The following RBFOX1 variants were observed in gnomAD, a reference collection of about 807,000 sequenced individuals.
RBFOX1 encodes the protein RNA binding protein fox-1 homolog 1.
Under a neutral mutation model 57.7 loss-of-function variants are expected in RBFOX1, and 8 were observed. That is an observed-to-expected ratio of 0.14 (90% CI 0.08 to 0.25). The LOEUF (loss-of-function observed/expected upper bound fraction) is 0.25, where lower values mean the gene tolerates loss of function less well. RBFOX1 is among the 10% of genes least tolerant of loss of function. The pLI is 1.00. For synonymous variants in RBFOX1, 326 were observed against 222.4 expected, an observed-to-expected ratio of 1.47 and a Z score of -4.15; for missense variants, 611 against 548.5, an observed-to-expected ratio of 1.11 and a Z score of -1.14.
intron 1 of RBFOX1, among the ~76,000 whole-genome samples, chr16:5,394,465 C>G (rs4786029): frequency 6.6e-6 from 1 of 152,032 alleles, no homozygotes; most frequent in East Asian, 1.9e-4. Context: ...TCTGGCTCTT[C>G]GCTTTTGGAC....
chr16:7,187,690 C>CAAA lies in RBFOX1; in HGVS notation c.27+135625_27+135627dup, dbSNP rs536529201. 1.2e-3 allele frequency among the ~76,000 whole-genome samples: 90 copies of CAAA among 72,574 alleles called. 2 individuals carry two copies. Among genetic ancestry groups the CAAA allele is most frequent in the Non-Finnish European group, 1.5e-3 (64 of 43,736 alleles). 47.6% of individuals were successfully genotyped at this position (72,574 alleles called of 152,430 possible). On this transcript the variant is annotated intron_variant, in intron 4 of 15. Transcript: ENST00000550418. The stretch of plus-strand genomic sequence containing the variant: ...GGCAACAGAATGAGACTCTGTCTCA[C>CAAA]AAAAAAAAAAAAAAAAAAAAAAAAA...
chr16:5,597,434 C>G (rs1045359580), intron 2 of RBFOX1, among the ~76,000 whole-genome samples: 3 of 137,416 alleles, frequency 2.2e-5, no homozygotes, highest in African/African-American at 8.2e-5. Context: ...GTTTTGATCT[C>G]GTCGCTCAGG....
intron 3 of RBFOX1, among the ~76,000 whole-genome samples, chr16:6,991,439 C>A (rs1415627896): frequency 6.6e-6 from 1 of 152,224 alleles, no homozygotes; most frequent in Non-Finnish European, 1.5e-5. Context: ...CATAGGGGAA[C>A]TGACACAATG....
At chr16:5,501,316 T>TC (rs2043186860) in intron 2 of RBFOX1, among the ~76,000 whole-genome samples, 1 of 26,402 alleles carries the variant, frequency 3.8e-5, no homozygotes, top group African/African-American at 4.2e-4. Context: ...AGACTCTGTC[T>TC]ACAAAAAAAA....
chr16:6,607,622 C>G (rs752631077), intron 2 of RBFOX1, among the ~76,000 whole-genome samples: 1 of 151,598 alleles, frequency 6.6e-6, no homozygotes, highest in Non-Finnish European at 1.5e-5. Context: ...TCTCTCTCTT[C>G]TTCCTCCTCT....
At position 6,077,375 on chromosome 16, in the gene RBFOX1, T is replaced by C. The variant is rs569501455; in HGVS notation, c.-127+57383T>C. On this transcript the variant is annotated intron_variant, in intron 1 of 15. Coordinates refer to ENST00000550418, the MANE Select transcript of RBFOX1 (RefSeq NM_018723.4). ...CCGTGGTTTGTACTAACTATATGAC[T>C]ATTGAAAGGCACAGTTTGGGGCAAG... Among the ~76,000 whole-genome samples, 499 of 152,292 alleles carry C rather than the reference T, an allele frequency of 3.3e-3. 4 individuals carry two copies. Among genetic ancestry groups the C allele is most frequent in the Middle Eastern group, 0.017 (5 of 294 alleles).
chr16:5,691,870 TC>T (rs1367194944), intron 3 of RBFOX1, among the ~76,000 whole-genome samples: 4 of 152,158 alleles, frequency 2.6e-5, no homozygotes, highest in Non-Finnish European at 5.9e-5. Flanking sequence ...TCAATCCCCA[TC>T]CAGTTGGGAT....
chr16:5,429,769 G>A (rs2151509382), intron 1 of RBFOX1, among the ~76,000 whole-genome samples: 1 of 152,282 alleles, frequency 6.6e-6, no homozygotes, highest in East Asian at 1.9e-4. Flanking sequence ...GGCAGTGTTT[G>A]GCCTGCTGTG....
chr16:7,433,808 A>C (rs2098701290), intron 4 of RBFOX1, among the ~76,000 whole-genome samples: 1 of 151,922 alleles, frequency 6.6e-6, no homozygotes, highest in African/African-American at 2.4e-5. Flanking sequence ...CTAGCCAGCC[A>C]GCCTTTCTAA....
chr16:7,391,292 G>T (rs567616948), intron 4 of RBFOX1, among the ~76,000 whole-genome samples: 1 of 152,054 alleles, frequency 6.6e-6, no homozygotes. Context: ...AGAGTTTTTG[G>T]GCATGTGCCC....
At chr16:5,790,139 C>T (rs973803012) in intron 3 of RBFOX1, among the ~76,000 whole-genome samples, 2 of 152,172 alleles carry the variant, frequency 1.3e-5, no homozygotes, top group Non-Finnish European at 2.9e-5. Flanking sequence ...GAAAAGAGTG[C>T]GAGGGTCTCA....
chr16:6,837,365 C>T (rs2093174785), intron 3 of RBFOX1, among the ~76,000 whole-genome samples: 1 of 152,162 alleles, frequency 6.6e-6, no homozygotes, highest in Non-Finnish European at 1.5e-5. Flanking sequence ...AGTCAGAGTT[C>T]TTGGGTTCTC....
chr16:5,975,803 AT>A (rs1328453980), intron 4 of RBFOX1, among the ~76,000 whole-genome samples: 1 of 152,224 alleles, frequency 6.6e-6, no homozygotes, highest in African/African-American at 2.4e-5. Context: ...GAGATATTGA[AT>A]GGCTAGCGCT....
At chr16:5,662,068 G>A (rs1364299907) in intron 3 of RBFOX1, among the ~76,000 whole-genome samples, 3 of 152,130 alleles carry the variant, frequency 2.0e-5, no homozygotes, top group Non-Finnish European at 4.4e-5. Context: ...TTACAGGCAT[G>A]AGCTACCGCG....
intron 2 of RBFOX1, among the ~76,000 whole-genome samples, chr16:6,538,055 G>C (rs987783273): frequency 6.6e-6 from 1 of 151,284 alleles, no homozygotes; most frequent in African/African-American, 2.4e-5. Flanking sequence ...ATAAAATACA[G>C]ATACATAATA....
chr16:6,998,988 C>A (rs545343262), intron 3 of RBFOX1, among the ~76,000 whole-genome samples: 2 of 151,392 alleles, frequency 1.3e-5, no homozygotes, highest in Non-Finnish European at 2.9e-5. Context: ...CGTGCCTCGG[C>A]ATCCTGAGTA....
chr16:7,146,554 C>G (rs1028093305), intron 4 of RBFOX1, among the ~76,000 whole-genome samples: 5 of 152,100 alleles, frequency 3.3e-5, no homozygotes, highest in African/African-American at 1.2e-4. Flanking sequence ...TCTTTCAGGT[C>G]TTCTTGGGTT....
chr16:5,579,367 C>G (rs990185643), intron 2 of RBFOX1, among the ~76,000 whole-genome samples: 1 of 152,116 alleles, frequency 6.6e-6, no homozygotes, highest in Admixed American at 6.6e-5. Context: ...TTTCTCATCA[C>G]TCCTCTTCTA....
intron 1 of RBFOX1, among the ~76,000 whole-genome samples, chr16:6,060,794 C>A (rs1441103067): frequency 2.6e-5 from 4 of 152,212 alleles, no homozygotes; most frequent in African/African-American, 9.6e-5. Flanking sequence ...CCCAGAAGAA[C>A]TGAAACCAGG....
Sources: allele counts gnomAD v4.1 joint callset (sites outside exome capture counted in the v4.1 genomes callset), GRCh38; gene constraint gnomAD v4.1.1; transcripts MANE v1.5; gene names NCBI Gene and HGNC (gene_info 2026-07-23, HGNC 2026-07-21).